Variants in CNTN5 observed in about 807,000 individuals in gnomAD.
The protein encoded by CNTN5 is contactin 5.
Under a neutral mutation model 129.1 loss-of-function variants are expected in CNTN5, and 77 were observed. That is an observed-to-expected ratio of 0.60 (90% CI 0.50 to 0.72). The LOEUF (loss-of-function observed/expected upper bound fraction) is 0.72. CNTN5 is among the 30% of genes least tolerant of loss of function. CNTN5 has a pLI of 0.00. For synonymous variants in CNTN5, 509 were observed against 465.6 expected, an observed-to-expected ratio of 1.09 and a Z score of -1.20; for missense variants, 1,478 against 1,328.8, an observed-to-expected ratio of 1.11 and a Z score of -1.75.
chr11:99,036,149 G>A (rs537212093), intron 1 of CNTN5, among the ~76,000 whole-genome samples: 10 of 151,796 alleles, frequency 6.6e-5, no homozygotes, highest in South Asian at 4.2e-4. Flanking sequence ...ATTTTTTCAC[G>A]TTGCGTATCG....
intron 2 of CNTN5, among the ~76,000 whole-genome samples, chr11:99,378,123 A>G (rs533034045): frequency 6.6e-6 from 1 of 152,202 alleles, no homozygotes; most frequent in Middle Eastern, 3.4e-3. Flanking sequence ...AAATTACATA[A>G]TTTTGTTTCT....
intron 6 of CNTN5, among the ~76,000 whole-genome samples, chr11:99,911,831 A>C (rs1004319030): frequency 6.6e-6 from 1 of 151,746 alleles, no homozygotes; most frequent in Non-Finnish European, 1.5e-5. Flanking sequence ...AAGTCTATGA[A>C]GTCTTTCAGG....
At chr11:100,153,466 C>A (rs1296366226) in intron 13 of CNTN5, among the ~76,000 whole-genome samples, 1 of 151,880 alleles carries the variant, frequency 6.6e-6, no homozygotes, top group Non-Finnish European at 1.5e-5. Flanking sequence ...ATGTTCTTGC[C>A]CCCAAATTGG....
chr11:100,268,834 C>T (rs886098344), intron 17 of CNTN5, among the ~76,000 whole-genome samples: 9 of 151,972 alleles, frequency 5.9e-5, no homozygotes, highest in African/African-American at 1.7e-4. Context: ...CAGGACGGCC[C>T]GAAGATTTGG....
In CNTN5 at chr11:99,059,254, A is replaced by G. The variant is rs543320464; in HGVS notation, c.-210+37984A>G. 2.1e-3 allele frequency among the ~76,000 whole-genome samples: 319 copies of G among 152,172 alleles called. 2 individuals are homozygous for G. The Middle Eastern group carries it at 0.034, about 16-fold the overall frequency. On this transcript the variant is annotated intron_variant, in intron 1 of 24. Coordinates refer to ENST00000524871, the MANE Select transcript of CNTN5 (RefSeq NM_014361.4). ...CTAAATGGATGGGTAGGCCTTGCCAATTAATTTTTTCTTAGACTTTCTTGT... is the reference window on the plus strand; with the variant it reads ...CTAAATGGATGGGTAGGCCTTGCCAGTTAATTTTTTCTTAGACTTTCTTGT...
chr11:99,540,416 A>G (rs764688940), intron 2 of CNTN5, among the ~76,000 whole-genome samples: 3 of 152,222 alleles, frequency 2.0e-5, no homozygotes, highest in African/African-American at 4.8e-5. Context: ...CTTCAAGACA[A>G]ATGTAGACAA....
At chr11:99,493,626 A>T (rs1005676434) in intron 2 of CNTN5, among the ~76,000 whole-genome samples, 9 of 152,230 alleles carry the variant, frequency 5.9e-5, no homozygotes, top group African/African-American at 2.2e-4. Flanking sequence ...AAAAAAACAA[A>T]TACATATATA....
At chr11:100,191,328 A>C in intron 14 of CNTN5, 75 bp downstream of exon 14, 1 of 1,278,166 alleles carries the variant, frequency 7.8e-7, no homozygotes, top group Non-Finnish European at 1.1e-6. Context: ...TATAATATAA[A>C]TGCATATATG....
chr11:99,551,029 A>G (rs2135522561), intron 2 of CNTN5, among the ~76,000 whole-genome samples: 1 of 152,318 alleles, frequency 6.6e-6, no homozygotes. Context: ...AAATAACTGC[A>G]TAAAAATAAT....
chr11:99,195,131 ATCT>A (rs1858835098), intron 1 of CNTN5, among the ~76,000 whole-genome samples: 1 of 152,196 alleles, frequency 6.6e-6, no homozygotes, highest in African/African-American at 2.4e-5. Flanking sequence ...TTAAAAAGTA[ATCT>A]GAAGGATTAT....
intron 20 of CNTN5, among the ~76,000 whole-genome samples, chr11:100,307,394 G>A (rs1035397349): frequency 3.3e-5 from 5 of 151,536 alleles, no homozygotes; most frequent in Admixed American, 6.6e-5. Flanking sequence ...TTTAACTTGT[G>A]TTTGTGACAC....
intron 17 of CNTN5, among the ~76,000 whole-genome samples, chr11:100,267,280 CAGAG>C (rs1555053698): frequency 0.019 from 2,826 of 148,496 alleles, 95 homozygotes; most frequent in African/African-American, 0.067. Flanking sequence ...CACACACACA[CAGAG>C]AGAGAGAGAA....
intron 2 of CNTN5, among the ~76,000 whole-genome samples, chr11:99,444,749 C>T (rs1222539246): frequency 6.6e-6 from 1 of 151,832 alleles, no homozygotes; most frequent in Admixed American, 6.6e-5. Flanking sequence ...ATATATGCAT[C>T]TATATATGCA....
intron 3 of CNTN5, among the ~76,000 whole-genome samples, chr11:99,789,300 C>T (rs1194527149): frequency 3.3e-5 from 5 of 151,888 alleles, no homozygotes; most frequent in African/African-American, 1.2e-4. Flanking sequence ...GAAGTAGTTA[C>T]TATTATCCTG....
intron 2 of CNTN5, among the ~76,000 whole-genome samples, chr11:99,541,378 G>A (rs1948101301): frequency 1.3e-5 from 2 of 152,020 alleles, no homozygotes; most frequent in African/African-American, 4.8e-5. Flanking sequence ...TATGGTGGTT[G>A]GTACTTTTTA....
intron 1 of CNTN5, among the ~76,000 whole-genome samples, chr11:99,181,476 T>G (rs1418939308): frequency 6.6e-6 from 1 of 152,160 alleles, no homozygotes; most frequent in Non-Finnish European, 1.5e-5. Context: ...GGGATGATTC[T>G]CCAAGGTAGC....
intron 1 of CNTN5, among the ~76,000 whole-genome samples, chr11:99,285,853 C>CA (rs1863915408): frequency 6.6e-6 from 1 of 151,926 alleles, no homozygotes; most frequent in Non-Finnish European, 1.5e-5. Context: ...GCCTGGCCAA[C>CA]ATGGTGAAAT....
chr11:99,614,246 T>A (rs1790386541), intron 3 of CNTN5, among the ~76,000 whole-genome samples: 4 of 152,230 alleles, frequency 2.6e-5, no homozygotes, highest in Admixed American at 2.0e-4. Context: ...GTGAAGTATT[T>A]TCATTCATTG....
At chr11:99,504,529 CAA>C (rs754621021) in intron 2 of CNTN5, among the ~76,000 whole-genome samples, 14 of 90,304 alleles carry the variant, frequency 1.6e-4, no homozygotes, top group Admixed American at 5.3e-4. Context: ...GACTCCGTCT[CAA>C]AAAAAAAAAA....
Sources: gnomAD v4.1 joint callset for allele counts (sites outside exome capture counted in the v4.1 genomes callset) on GRCh38, gnomAD v4.1.1 for gene constraint, MANE v1.5 for transcripts, NCBI Gene and HGNC (gene_info 2026-07-23, HGNC 2026-07-21) for gene names.